RAP1GAP2: variants seen among roughly 807,000 people sequenced by gnomAD.
RAP1GAP2 encodes rap1 GTPase-activating protein 2.
In RAP1GAP2, 27 loss-of-function variants were observed where a neutral mutation model predicts 95.0. That is an observed-to-expected ratio of 0.28 (90% confidence interval 0.21 to 0.39). The LOEUF is 0.39. RAP1GAP2 is among the 10% of genes least tolerant of loss of function. RAP1GAP2 has a pLI of 1.00. For missense variants in RAP1GAP2, 771 were observed against 970.0 expected (o/e 0.79, Z 2.72); for synonymous variants, 373 against 380.9 (o/e 0.98, Z 0.24).
In RAP1GAP2 at chr17:2,764,179, C is replaced by G. The variant is rs991324105; in HGVS notation, c.51-6150C>G. Among the ~76,000 whole-genome samples, 3 of 152,270 alleles carry G rather than the reference C, an allele frequency of 2.0e-5. No individual in the cohort carries two copies. In the East Asian group the frequency reaches 5.8e-4, roughly 29 times the overall value. On this transcript the variant is annotated intron_variant, in intron 1 of 25. Transcript: ENST00000637138. ...GTGCGCAGTGGCTCACGCCTGTAAT[C>G]CCAGCATTTTGGGAGGCTGAGGCGG...
At position 2,951,985 on chromosome 17, in the gene RAP1GAP2, G is replaced by T. The variant is rs1597704290; in HGVS notation, c.166-5774G>T. On this transcript the variant is annotated intron_variant, in intron 3 of 24. Coordinates refer to ENST00000254695, the MANE Select transcript of RAP1GAP2 (RefSeq NM_015085.5). Reference sequence around the variant, plus strand: ...GGAGGCGGAGGTTGCAGTGAGCCAAGATTGCGCCACTGCACTCCAGCCTGG... The same window carrying T: ...GGAGGCGGAGGTTGCAGTGAGCCAATATTGCGCCACTGCACTCCAGCCTGG... Among the ~76,000 whole-genome samples the T allele has an allele frequency of 2.0e-5, 3 of 152,118 alleles. No individual in the cohort carries two copies. In the South Asian group the frequency reaches 6.2e-4, roughly 32 times the overall value.
intron 1 of RAP1GAP2, among the ~76,000 whole-genome samples, chr17:2,767,165 C>G (rs1243486657): frequency 6.6e-6 from 1 of 151,560 alleles, no homozygotes. Context: ...AGTTCGAGAC[C>G]AGCCTGGCCA....
rs964050859 is a variant in RAP1GAP2 at position 2,874,439 on chromosome 17, C to T, written c.81-30845C>T. ...CTCCTCACCTGAGGCCCCGGGCTGA[C>T]GGAGGCATTGGAAGCTTGTAAAAGT... is the stretch of plus-strand genomic sequence containing the variant. On this transcript the variant is annotated intron_variant, in intron 2 of 24. Transcript: ENST00000254695. Among the ~76,000 whole-genome samples, 17 of 152,260 alleles carry T rather than the reference C, an allele frequency of 1.1e-4. No individual in the cohort carries two copies. The East Asian group carries it at 1.4e-3, about 12-fold the overall frequency.
intron 2 of RAP1GAP2, among the ~76,000 whole-genome samples, chr17:2,829,681 G>GCTGT: frequency 6.6e-6 from 1 of 152,324 alleles, no homozygotes; most frequent in Non-Finnish European, 1.5e-5. Flanking sequence ...TTATTTCTCA[G>GCTGT]GGGAGACTAA....
chr17:2,977,487 G>A (rs1408814810), intron 8 of RAP1GAP2, among the ~76,000 whole-genome samples: 1 of 152,114 alleles, frequency 6.6e-6, no homozygotes, highest in Non-Finnish European at 1.5e-5. Context: ...GCTCACATCT[G>A]TAATCCCAGC....
chr17:2,806,376 T>TTTTTTATTATTATTATTA (rs150744972), intron 2 of RAP1GAP2, among the ~76,000 whole-genome samples: 9 of 139,942 alleles, frequency 6.4e-5, no homozygotes, highest in African/African-American at 1.1e-4. Flanking sequence ...CTACAACCTT[T>TTTTTTATTATTATTATTA]TTATTATTAT....
At chr17:2,760,248 G>T (rs573287284) in intron 1 of RAP1GAP2, among the ~76,000 whole-genome samples, 2 of 130,420 alleles carry the variant, frequency 1.5e-5, no homozygotes, top group Non-Finnish European at 3.1e-5. Flanking sequence ...AGTTGAGATC[G>T]CGCCACTGCA....
intron 2 of RAP1GAP2, among the ~76,000 whole-genome samples, chr17:2,891,808 TCTTTTC>T: frequency 7.2e-6 from 1 of 138,010 alleles, no homozygotes; most frequent in East Asian, 2.0e-4. Flanking sequence ...GATTCATATT[TCTTTTC>T]TTTTTTTTTT....
chr17:2,911,793 C>A (rs1159612897), intron 3 of RAP1GAP2, among the ~76,000 whole-genome samples: 1 of 152,244 alleles, frequency 6.6e-6, no homozygotes, highest in African/African-American at 2.4e-5. Flanking sequence ...CTTCCCAGGC[C>A]CCGTGAAGTA....
chr17:2,934,430 C>T (rs2151419220), intron 3 of RAP1GAP2, among the ~76,000 whole-genome samples: 1 of 152,318 alleles, frequency 6.6e-6, no homozygotes, highest in South Asian at 2.1e-4. Context: ...CCGCACCCGG[C>T]CTTGCAAAGC....
Position 2,855,069 on chromosome 17 carries a change from C to T in RAP1GAP2, c.81-50215C>T, listed in dbSNP as rs962866646. ...GTGACCAGCAGCCCCTGGATATGCC[C>T]ACAGGTATGAACGTACCTGGGGTGG... On this transcript the variant is annotated intron_variant, in intron 2 of 24. Transcript: ENST00000254695. The surrounding 1 kb of genome is among the most constrained non-coding windows in gnomAD (Gnocchi z 4.3). 3.3e-5 allele frequency among the ~76,000 whole-genome samples: 5 copies of T among 152,144 alleles called. No individual in the cohort carries two copies. The highest frequency in any genetic ancestry group is 1.2e-4 in the African/African-American group (5 of 41,420).
At chr17:2,847,559 A>G (rs1391995983) in intron 2 of RAP1GAP2, among the ~76,000 whole-genome samples, 1 of 152,202 alleles carries the variant, frequency 6.6e-6, no homozygotes, top group Non-Finnish European at 1.5e-5. Flanking sequence ...TTCTCTGTAG[A>G]GCCAAACAGA....
intron 3 of RAP1GAP2, among the ~76,000 whole-genome samples, chr17:2,940,409 G>A (rs1215611830): frequency 1.3e-5 from 2 of 152,246 alleles, no homozygotes; most frequent in African/African-American, 4.8e-5. Context: ...TCCCTGCCGG[G>A]GCCCGAGGGA....
At position 2,866,941 on chromosome 17, in the gene RAP1GAP2, C is replaced by A. The variant is rs566443212; in HGVS notation, c.81-38343C>A. Among the ~76,000 whole-genome samples the A allele has an allele frequency of 7.3e-6, 1 of 137,100 alleles. No homozygotes were observed. Among genetic ancestry groups the A allele is most frequent in the African/African-American group, 2.8e-5 (1 of 36,342 alleles). The allele number at this position is 137,100 out of a possible 152,430, so 89.9% of individuals were successfully genotyped here. On this transcript the variant is annotated intron_variant, in intron 2 of 24. Coordinates refer to ENST00000254695, the MANE Select transcript of RAP1GAP2 (RefSeq NM_015085.5). The surrounding 1 kb of genome is among the most constrained non-coding windows in gnomAD (Gnocchi z 4.0). Reference sequence around the variant, plus strand: ...TTAGAGATGGAGTCTCACTCTGTCACCCAGGCTGGAGTGCAGTGGTACAAT... The same window carrying A: ...TTAGAGATGGAGTCTCACTCTGTCAACCAGGCTGGAGTGCAGTGGTACAAT...
intron 2 of RAP1GAP2, among the ~76,000 whole-genome samples, chr17:2,828,596 C>A (rs1567685746): frequency 6.6e-6 from 1 of 152,048 alleles, no homozygotes; most frequent in Non-Finnish European, 1.5e-5. Context: ...CACAGTTTCC[C>A]CGTCCGCCAG....
intron 2 of RAP1GAP2, among the ~76,000 whole-genome samples, chr17:2,848,132 G>A (rs1293251560): frequency 6.6e-6 from 1 of 152,146 alleles, no homozygotes; most frequent in Non-Finnish European, 1.5e-5. Context: ...CCACCTTCAT[G>A]GCTCTGGGTA....
intron 2 of RAP1GAP2, among the ~76,000 whole-genome samples, chr17:2,860,029 A>C (rs2072311689): frequency 1.3e-5 from 2 of 150,870 alleles, no homozygotes; most frequent in African/African-American, 2.4e-5. Context: ...CTAGGGTGTG[A>C]ACCTGGTATC....
rs576750843 is a variant in RAP1GAP2 at position 2,914,786 on chromosome 17, G to C, written c.165+9418G>C. On this transcript the variant is annotated intron_variant, in intron 3 of 24. Transcript: ENST00000254695. ...ATTACAGGTGCGAGCCACTGTGCCC[G>C]GCCACTTCTTTTTTTTTTTTTTTGA... Among the ~76,000 whole-genome samples, 4 of 146,364 alleles carry C rather than the reference G, an allele frequency of 2.7e-5. No individual in the cohort carries two copies. In the East Asian group the frequency reaches 8.2e-4, roughly 30 times the overall value.
chr17:3,020,594 T>A lies in RAP1GAP2; in HGVS notation c.1750T>A (p.Cys584Ser). The change falls in exon 19 of 25, where the codon TGT becomes AGT. Residue 584 changes from cysteine (C) to serine (S), a missense_variant and splice_region_variant. Physicochemically the swap from Cys to Ser is moderately radical, Grantham distance 112. Coordinates refer to ENST00000254695, the MANE Select transcript of RAP1GAP2 (RefSeq NM_015085.5). ...SEGQGDSRAR[C>S]DSTSSTPKTP... ...AGGCCAGGGCGACAGCCGGGCACGA[T>A]GGTAACTGTTGGGAAACCCCTACCC... 6.2e-7 allele frequency: 1 copy of A among 1,612,824 alleles called. No individual in the cohort carries two copies. Among genetic ancestry groups the A allele is most frequent in the Admixed American group, 1.7e-5 (1 of 59,874 alleles).
Sources: allele counts gnomAD v4.1 joint callset (sites outside exome capture counted in the v4.1 genomes callset), GRCh38; gene constraint gnomAD v4.1.1; non-coding constraint Gnocchi (gnomAD v3.1); transcripts MANE v1.5; gene names NCBI Gene and HGNC (gene_info 2026-07-23, HGNC 2026-07-21).